Variants in LARGE1 observed in about 807,000 individuals in gnomAD.
The protein encoded by LARGE1 is LARGE xylosyl- and glucuronyltransferase 1.
LARGE1 carries 43 observed loss-of-function variants against 87.6 expected under a neutral mutation model. That is an observed-to-expected ratio of 0.49 (90% confidence interval 0.38 to 0.63). The LOEUF (loss-of-function observed/expected upper bound fraction) is 0.63. Among genes scored for constraint, LARGE1 ranks in the 30% least tolerant of loss-of-function variants. The pLI is 0.00. For missense variants in LARGE1, 802 were observed against 1,000.2 expected, an observed-to-expected ratio of 0.80 and a Z score of 2.67; for synonymous variants, 434 against 394.6, an observed-to-expected ratio of 1.10 and a Z score of -1.18.
At chr22:33,323,419 C>A (rs1936939318) in intron 10 of LARGE1, among the ~76,000 whole-genome samples, 1 of 152,218 alleles carries the variant, frequency 6.6e-6, no homozygotes, top group Admixed American at 6.5e-5. Context: ...GAAACTAAGG[C>A]TCAGGAGCTT....
intron 2 of LARGE1, among the ~76,000 whole-genome samples, chr22:33,664,591 G>A (rs2081215392): frequency 6.6e-6 from 1 of 152,152 alleles, no homozygotes; most frequent in African/African-American, 2.4e-5. Flanking sequence ...TCAGGGCCGG[G>A]CACAGTGGCT....
chr22:33,883,836 T>G (rs1008513095), intron 1 of LARGE1, among the ~76,000 whole-genome samples: 6 of 152,174 alleles, frequency 3.9e-5, no homozygotes, highest in Non-Finnish European at 1.5e-5. Context: ...AACCCACTCC[T>G]GCCAACACAC....
At chr22:33,429,957 A>T (rs74608400) in intron 7 of LARGE1, among the ~76,000 whole-genome samples, 5,107 of 152,234 alleles carry the variant, frequency 0.034, 274 homozygotes, top group African/African-American at 0.12. Flanking sequence ...GTTTAATCAG[A>T]GCAGGCCCTT....
At chr22:33,177,074 G>A (rs1297163964) in intron 11 of LARGE1, among the ~76,000 whole-genome samples, 4 of 152,094 alleles carry the variant, frequency 2.6e-5, no homozygotes, top group Non-Finnish European at 4.4e-5. Context: ...ACCAATCATC[G>A]CATGTTCTCA....
chr22:33,826,335 T>C (rs993540594), intron 1 of LARGE1, among the ~76,000 whole-genome samples: 1 of 145,102 alleles, frequency 6.9e-6, no homozygotes, highest in African/African-American at 2.6e-5. Context: ...TCAATCTCCC[T>C]TTGCATACCT....
At chr22:33,766,937 T>C (rs1037558443) in intron 1 of LARGE1, among the ~76,000 whole-genome samples, 400 of 30,684 alleles carry the variant, frequency 0.013, 9 homozygotes, top group African/African-American at 0.038. Flanking sequence ...TATATATATA[T>C]ATATATATAT....
intron 1 of LARGE1, among the ~76,000 whole-genome samples, chr22:33,910,068 T>C (rs1466440263): frequency 6.6e-6 from 1 of 152,178 alleles, no homozygotes; most frequent in African/African-American, 2.4e-5. Context: ...GCCACCACAG[T>C]GCACACATCC....
chr22:33,867,376 T>C lies in LARGE1; in HGVS notation c.-83+52619A>G, dbSNP rs191832889. ...TCTGACTCATCCTGTGGGCTGGGAC[T>C]GTTCACTCAGCAGAGGGACCAAACA... On this transcript the variant is annotated intron_variant, in intron 1 of 14. Transcript: ENST00000397394. 4.4e-3 allele frequency among the ~76,000 whole-genome samples: 663 copies of C among 152,308 alleles called. 1 individual carries two copies. Among genetic ancestry groups the C allele is most frequent in the Middle Eastern group, 0.02 (6 of 294 alleles).
At chr22:33,192,386 ACTGTGGC>A (rs1225040129) in intron 11 of LARGE1, among the ~76,000 whole-genome samples, 3 of 152,174 alleles carry the variant, frequency 2.0e-5, no homozygotes, top group African/African-American at 7.2e-5. Flanking sequence ...GTGGCATCTC[ACTGTGGC>A]TTTGATTTGC....
chr22:33,821,815 G>A (rs4820116), intron 1 of LARGE1, among the ~76,000 whole-genome samples: 88,964 of 151,958 alleles, frequency 0.59, 27,703 homozygotes, highest in African/African-American at 0.81. Flanking sequence ...CATTATGATG[G>A]ATAAGAAAAA....
intron 5 of LARGE1, among the ~76,000 whole-genome samples, chr22:33,578,900 C>A (rs1220464493): frequency 6.6e-6 from 1 of 152,128 alleles, no homozygotes; most frequent in Non-Finnish European, 1.5e-5. Flanking sequence ...CATTCCAATG[C>A]AGTTATAATA....
rs182698410 is a variant in LARGE1 at position 33,639,992 on chromosome 22, T to C, written c.408+10375A>G. Among the ~76,000 whole-genome samples, 10 of 152,316 alleles carry C rather than the reference T, an allele frequency of 6.6e-5. 1 individual carries two copies. In the East Asian group the frequency reaches 1.7e-3, roughly 26 times the overall value. ...TCAGCTGACAGCCTTGGCATATTGATAGAGGAGTTTTCAGAAATGCTTTTC... is the reference window on the plus strand; with the variant it reads ...TCAGCTGACAGCCTTGGCATATTGACAGAGGAGTTTTCAGAAATGCTTTTC... On this transcript the variant is annotated intron_variant, in intron 3 of 14. Coordinates refer to ENST00000397394, the MANE Select transcript of LARGE1 (RefSeq NM_133642.5).
intron 9 of LARGE1, among the ~76,000 whole-genome samples, chr22:33,377,252 C>T (rs374724675): frequency 2.0e-5 from 3 of 152,200 alleles, no homozygotes; most frequent in East Asian, 3.8e-4. Flanking sequence ...CAATCTTGCA[C>T]AAATGCCATC....
At chr22:33,753,482 C>A (rs944350603) in intron 2 of LARGE1, among the ~76,000 whole-genome samples, 22 of 152,042 alleles carry the variant, frequency 1.4e-4, no homozygotes, top group African/African-American at 5.3e-4. Context: ...TTGACTTTAG[C>A]CCAGTGAGAA....
intron 1 of LARGE1, among the ~76,000 whole-genome samples, chr22:33,828,188 G>T (rs1333811214): frequency 1.3e-5 from 2 of 152,170 alleles, no homozygotes; most frequent in Non-Finnish European, 2.9e-5. Context: ...GGACAGATGG[G>T]GTAATTCACA....
chr22:33,740,992 G>C (rs1208355758), intron 2 of LARGE1, among the ~76,000 whole-genome samples: 1 of 152,192 alleles, frequency 6.6e-6, no homozygotes, highest in East Asian at 1.9e-4. Context: ...GCCTTGTGCA[G>C]AGCAATGTTT....
chr22:33,717,834 C>T (rs1480909443), intron 2 of LARGE1, among the ~76,000 whole-genome samples: 2 of 152,324 alleles, frequency 1.3e-5, no homozygotes, highest in South Asian at 4.1e-4. Flanking sequence ...CTGCCAAAGT[C>T]GCTTTGTCCC....
At chr22:33,119,274 C>A in the LARGE1 span, among the ~76,000 whole-genome samples, 3 of 152,186 alleles carry the variant, frequency 2.0e-5, no homozygotes, top group Non-Finnish European at 4.4e-5. Flanking sequence ...ATTTTAGTAA[C>A]CCAAATCTTG....
At chr22:33,358,279 ATCT>A (rs1449934439) in intron 9 of LARGE1, among the ~76,000 whole-genome samples, 1 of 133,586 alleles carries the variant, frequency 7.5e-6, no homozygotes, top group African/African-American at 2.8e-5. Flanking sequence ...GAGATTTTAG[ATCT>A]TCTCCCCCAA....
Sources: allele counts gnomAD v4.1 joint callset (sites outside exome capture counted in the v4.1 genomes callset), GRCh38; gene constraint gnomAD v4.1.1; transcripts MANE v1.5; gene names NCBI Gene and HGNC (gene_info 2026-07-23, HGNC 2026-07-21).